Variants in SEMA3A observed in about 807,000 individuals in gnomAD.
SEMA3A encodes the protein semaphorin 3A.
In SEMA3A, 29 loss-of-function variants were observed where a neutral mutation model predicts 97.9. The ratio of observed to expected loss-of-function variants is 0.30; its 90% CI spans 0.22 to 0.40. The LOEUF (loss-of-function observed/expected upper bound fraction) is 0.40. Ranked by LOEUF, SEMA3A falls within the 10% of genes least tolerant of loss-of-function variation. The pLI is 1.00. For synonymous variants in SEMA3A, 321 were observed against 323.7 expected (o/e 0.99, Z 0.09); for missense variants, 763 against 951.3 (o/e 0.80, Z 2.60).
intron 2 of SEMA3A, among the ~76,000 whole-genome samples, chr7:84,318,346 G>A (rs1801563365): frequency 8.5e-6 from 1 of 117,534 alleles, no homozygotes; most frequent in South Asian, 2.7e-4. Context: ...TTTTTGAGAC[G>A]GAGTCTCGCT....
At chr7:84,265,810 G>A (rs954675745) in intron 3 of SEMA3A, among the ~76,000 whole-genome samples, 2 of 151,830 alleles carry the variant, frequency 1.3e-5, no homozygotes, top group African/African-American at 4.8e-5. Context: ...CCTTCTGTGA[G>A]CAAACAGTTT....
At chr7:84,258,306 T>C (rs188744928) in intron 3 of SEMA3A, among the ~76,000 whole-genome samples, 16 of 152,320 alleles carry the variant, frequency 1.1e-4, no homozygotes, top group Non-Finnish European at 1.5e-4. Context: ...GTAACTGTTA[T>C]TACCTTGACC....
At chr7:84,476,440 G>T (rs191758649) in intron 1 of SEMA3A, among the ~76,000 whole-genome samples, 3 of 151,746 alleles carry the variant, frequency 2.0e-5, no homozygotes, top group Non-Finnish European at 4.4e-5. Flanking sequence ...CACCCATATA[G>T]AGTCTGCAAA....
rs144880877 is a variant in SEMA3A, at chr7:84,187,054, T to C, written c.112+7421A>G. Among the ~76,000 whole-genome samples the C allele has an allele frequency of 1.5e-3, 228 of 152,298 alleles. 1 individual carries two copies. Among genetic ancestry groups the C allele is most frequent in the African/African-American group, 5.0e-3 (208 of 41,578 alleles). On this transcript the variant is annotated intron_variant, in intron 1 of 16. Transcript: ENST00000265362. Reference sequence around the variant, plus strand: ...GAAGAAAAAGGATGACTTGGAGATGTAGCTTAGGGAGCAATGAGCAAGTGT... The same window carrying C: ...GAAGAAAAAGGATGACTTGGAGATGCAGCTTAGGGAGCAATGAGCAAGTGT...
intron 2 of SEMA3A, among the ~76,000 whole-genome samples, chr7:84,363,825 A>C (rs1802782436): frequency 6.6e-6 from 1 of 151,834 alleles, no homozygotes; most frequent in Non-Finnish European, 1.5e-5. Context: ...AGAACTTTTC[A>C]GGGGCTCTGC....
intron 3 of SEMA3A, among the ~76,000 whole-genome samples, chr7:84,218,452 T>C (rs1396045699): frequency 6.6e-5 from 10 of 152,130 alleles, no homozygotes. Context: ...TGTTTCATAA[T>C]CCCTAGTTTT....
At chr7:84,281,901 G>A (rs902226385) in intron 3 of SEMA3A, among the ~76,000 whole-genome samples, 2 of 152,114 alleles carry the variant, frequency 1.3e-5, no homozygotes, top group Non-Finnish European at 2.9e-5. Context: ...ACTAAAGTGT[G>A]TTTTGATAGT....
In SEMA3A at chr7:84,314,133, C is replaced by T. The variant is rs114655439; in HGVS notation, c.-168-6841G>A. On this transcript the variant is annotated intron_variant, in intron 2 of 3. Coordinates refer to the SEMA3A transcript ENST00000424555. Reference sequence around the variant, plus strand: ...TACCCTTTCTATGTGTGTATGATAGCTTCTCAAATTCATTCTAAAATTGGT... The same window carrying T: ...TACCCTTTCTATGTGTGTATGATAGTTTCTCAAATTCATTCTAAAATTGGT... 6.6e-3 allele frequency among the ~76,000 whole-genome samples: 1,006 copies of T among 152,052 alleles called. 11 individuals carry two copies. The highest frequency in any genetic ancestry group is 0.023 in the African/African-American group (946 of 41,506).
At chr7:84,468,823 T>G (rs1347752098) in intron 1 of SEMA3A, among the ~76,000 whole-genome samples, 1 of 152,056 alleles carries the variant, frequency 6.6e-6, no homozygotes, top group South Asian at 2.1e-4. Flanking sequence ...TTTTCTTTTT[T>G]TTTTAGAAAA....
intron 1 of SEMA3A, among the ~76,000 whole-genome samples, chr7:84,406,152 C>A (rs1325873730): frequency 1.3e-5 from 2 of 151,900 alleles, no homozygotes; most frequent in Non-Finnish European, 2.9e-5. Flanking sequence ...AGACCACTAG[C>A]AAGACTAATA....
At chr7:84,230,915 T>A (rs538346953) in intron 3 of SEMA3A, among the ~76,000 whole-genome samples, 1 of 152,112 alleles carries the variant, frequency 6.6e-6, no homozygotes, top group Non-Finnish European at 1.5e-5. Context: ...ACTTCCCTGT[T>A]AGCAGTCTGT....
At chr7:84,076,901 C>CT (rs1168424544) in intron 4 of SEMA3A, among the ~76,000 whole-genome samples, 1 of 152,028 alleles carries the variant, frequency 6.6e-6, no homozygotes, top group Non-Finnish European at 1.5e-5. Context: ...AATTCATCTG[C>CT]TTTTTGTCAT....
chr7:84,342,022 C>T (rs185162055), intron 2 of SEMA3A, among the ~76,000 whole-genome samples: 6 of 152,046 alleles, frequency 3.9e-5, no homozygotes, highest in African/African-American at 4.8e-5. Flanking sequence ...AAGTCAGATT[C>T]GTTTGTTCCT....
chr7:84,008,514 A>G (rs1790759974), intron 9 of SEMA3A, among the ~76,000 whole-genome samples: 1 of 150,740 alleles, frequency 6.6e-6, no homozygotes. Flanking sequence ...AAAAAGAAAG[A>G]AAAAGAAATT....
At chr7:84,310,306 G>C (rs192269593) in intron 2 of SEMA3A, among the ~76,000 whole-genome samples, 1 of 151,464 alleles carries the variant, frequency 6.6e-6, no homozygotes, top group African/African-American at 2.4e-5. Context: ...ACCTATCTTT[G>C]GGGAAATTAT....
At chr7:84,369,598 C>T (rs1046643387) in intron 2 of SEMA3A, among the ~76,000 whole-genome samples, 1 of 150,766 alleles carries the variant, frequency 6.6e-6, no homozygotes, top group Non-Finnish European at 1.5e-5. Context: ...AAAGACAACA[C>T]ATTCCTAACC....
intron 3 of SEMA3A, among the ~76,000 whole-genome samples, chr7:84,244,476 G>A (rs763950796): frequency 6.6e-6 from 1 of 152,080 alleles, no homozygotes; most frequent in Non-Finnish European, 1.5e-5. Flanking sequence ...TTGAGTCTAT[G>A]TGTGTCTGTG....
At chr7:84,142,182 T>C (rs1796316006) in intron 1 of SEMA3A, among the ~76,000 whole-genome samples, 1 of 152,212 alleles carries the variant, frequency 6.6e-6, no homozygotes, top group Non-Finnish European at 1.5e-5. Flanking sequence ...TGATTCAGAT[T>C]GTTATCACTT....
At chr7:84,094,575 TAA>T (rs1017783089) in intron 4 of SEMA3A, among the ~76,000 whole-genome samples, 2 of 152,144 alleles carry the variant, frequency 1.3e-5, no homozygotes, top group African/African-American at 4.8e-5. Flanking sequence ...CTGCTAGATA[TAA>T]GATTGGGAAC....
Sources: allele counts gnomAD v4.1 joint callset (sites outside exome capture counted in the v4.1 genomes callset), GRCh38; gene constraint gnomAD v4.1.1; transcripts MANE v1.5; gene names NCBI Gene and HGNC (gene_info 2026-07-23, HGNC 2026-07-21).